Variants in NCOA2 observed in about 807,000 individuals in gnomAD.
The protein encoded by NCOA2 is nuclear receptor coactivator 2.
NCOA2 carries 21 observed loss-of-function variants against 145.1 expected under a neutral mutation model. The observed-to-expected ratio is 0.14, with a 90% confidence interval of 0.10 to 0.21. The LOEUF is 0.21. Among genes scored for constraint, NCOA2 ranks in the 10% least tolerant of loss-of-function variants. NCOA2 has a pLI of 1.00. For missense variants in NCOA2, 1,472 were observed against 1,837.6 expected (o/e 0.80, Z 3.64); for synonymous variants, 619 against 637.5 (o/e 0.97, Z 0.44).
At chr8:70,167,717 A>C (rs962193551) in intron 6 of NCOA2, among the ~76,000 whole-genome samples, 2 of 152,256 alleles carry the variant, frequency 1.3e-5, no homozygotes, top group African/African-American at 2.4e-5. Flanking sequence ...TTTGAGTATT[A>C]AAACTAAAAA....
chr8:70,411,949 C>T, the NCOA2 span, among the ~76,000 whole-genome samples: 1 of 152,188 alleles, frequency 6.6e-6, no homozygotes, highest in African/African-American at 2.4e-5. Context: ...ACAGTTTATT[C>T]ATGGTATACA....
chr8:70,227,102 C>G (rs949061897), intron 2 of NCOA2, among the ~76,000 whole-genome samples: 1 of 152,204 alleles, frequency 6.6e-6, no homozygotes, highest in Non-Finnish European at 1.5e-5. Flanking sequence ...TGTTGGCACC[C>G]ACTGTCACCA....
At chr8:70,133,200 C>CTCTTTT (rs762418599) in intron 15 of NCOA2, among the ~76,000 whole-genome samples, 2 of 106,988 alleles carry the variant, frequency 1.9e-5, no homozygotes, top group Admixed American at 9.6e-5. Flanking sequence ...CTGGCTGCTA[C>CTCTTTT]TTTTTTTTTT....
At chr8:70,424,206 G>A in the NCOA2 span, 1 of 322,626 alleles carries the variant, frequency 3.1e-6, no homozygotes, top group African/African-American at 2.2e-5. Flanking sequence ...GAAGACCCCA[G>A]AAGTGGTGCA....
intron 1 of NCOA2, among the ~76,000 whole-genome samples, chr8:70,383,576 G>C (rs570401475): frequency 3.9e-5 from 6 of 152,226 alleles, no homozygotes; most frequent in African/African-American, 1.2e-4. Flanking sequence ...CATGATCTCA[G>C]CTCACTGCAA....
chr8:70,376,234 T>C (rs1218549797), intron 1 of NCOA2, among the ~76,000 whole-genome samples: 1 of 152,194 alleles, frequency 6.6e-6, no homozygotes, highest in Admixed American at 6.5e-5. Context: ...ATTTTAGGAA[T>C]AAGTGTCCTC....
chr8:70,322,162 T>C (rs1000875740), intron 1 of NCOA2, among the ~76,000 whole-genome samples: 4 of 152,208 alleles, frequency 2.6e-5, no homozygotes, highest in Middle Eastern at 6.8e-3. Flanking sequence ...GTAAGTTATT[T>C]ATTTCATCAT....
chr8:70,359,469 C>T (rs1194119494), intron 1 of NCOA2, among the ~76,000 whole-genome samples: 1 of 152,024 alleles, frequency 6.6e-6, no homozygotes, highest in African/African-American at 2.4e-5. Flanking sequence ...AAACAAGGTA[C>T]AATAGAATAT....
At chr8:70,141,890 C>T (rs532292599) in intron 13 of NCOA2, among the ~76,000 whole-genome samples, 3 of 152,154 alleles carry the variant, frequency 2.0e-5, no homozygotes, top group African/African-American at 7.2e-5. Flanking sequence ...CAAAACTGAC[C>T]AAGAGTAGCC....
chr8:70,216,856 C>T, intron 2 of NCOA2, 92 bp from the exon 3 acceptor site: 1 of 796,776 alleles, frequency 1.3e-6, no homozygotes, highest in Non-Finnish European at 2.1e-6. Context: ...AGAATTTTGA[C>T]TCCAATCAGA....
At position 70,196,508 on chromosome 8, in the gene NCOA2, A is replaced by G. The variant is rs112201245; in HGVS notation, c.259+17395T>C. Among the ~76,000 whole-genome samples the G allele has an allele frequency of 2.9e-3, 439 of 152,368 alleles. 3 individuals are homozygous for G. The highest frequency in any genetic ancestry group is 0.01 in the African/African-American group (426 of 41,590). ...ACATACAGGACCCTGGATTAGAGACAGTTATGACCTAAAGGTGCTGTTTGC... is the reference window on the plus strand; with the variant it reads ...ACATACAGGACCCTGGATTAGAGACGGTTATGACCTAAAGGTGCTGTTTGC... On this transcript the variant is annotated intron_variant, in intron 4 of 22. Transcript: ENST00000452400.
chr8:70,367,375 G>T (rs1220298179), intron 1 of NCOA2, among the ~76,000 whole-genome samples: 1 of 152,162 alleles, frequency 6.6e-6, no homozygotes, highest in Admixed American at 6.5e-5. Flanking sequence ...AGCTCTGTGG[G>T]AATAATAGTA....
intron 11 of NCOA2, among the ~76,000 whole-genome samples, chr8:70,150,279 A>G (rs896377941): frequency 1.3e-5 from 2 of 152,212 alleles, no homozygotes; most frequent in African/African-American, 2.4e-5. Flanking sequence ...TTAGCATCCT[A>G]AAGTACCAAC....
At chr8:70,145,234 TACA>T (rs1810906836) in intron 12 of NCOA2, among the ~76,000 whole-genome samples, 1 of 152,236 alleles carries the variant, frequency 6.6e-6, no homozygotes, top group African/African-American at 2.4e-5. Flanking sequence ...CTCGGCTCAT[TACA>T]ACCTCTGCCT....
chr8:70,397,467 A>G (rs1586683117), intron 1 of NCOA2, among the ~76,000 whole-genome samples: 1 of 152,086 alleles, frequency 6.6e-6, no homozygotes, highest in East Asian at 1.9e-4. Flanking sequence ...AAAGGAAAAA[A>G]AAAAAAAAAA....
chr8:70,128,450 G>C lies in NCOA2; in HGVS notation c.3664C>G (p.Pro1222Ala). 6.2e-7 allele frequency: 1 copy of C among 1,612,538 alleles called. No homozygotes were observed. Among genetic ancestry groups the C allele is most frequent in the Non-Finnish European group, 8.5e-7 (1 of 1,179,330 alleles). The change falls in exon 18 of 23, where the codon CCT becomes GCT. Residue 1222 changes from proline (P) to alanine (A), a missense_variant. Around this residue, in one of 4 missense-constraint regions of NCOA2, gnomAD observed 953 missense variants for 1,062.1 expected, o/e 0.90. Transcript: ENST00000452400. ...NVSNVNLTLRPGVPTQAPINA... is the reference protein window; with the variant it reads ...NVSNVNLTLRAGVPTQAPINA... ...TGCCTTACCTGTGTTGGTACTCCAG[G>C]CCTCAGAGTCAAGTTCACATTGGAA... is the stretch of plus-strand genomic sequence containing the variant.
intron 1 of NCOA2, among the ~76,000 whole-genome samples, chr8:70,399,963 G>A (rs1814075027): frequency 1.3e-5 from 2 of 152,140 alleles, no homozygotes; most frequent in Non-Finnish European, 2.9e-5. Flanking sequence ...TATAATGGAA[G>A]GACTGCTCAC....
chr8:70,375,329 C>A (rs1811575051), intron 1 of NCOA2, among the ~76,000 whole-genome samples: 1 of 152,104 alleles, frequency 6.6e-6, no homozygotes, highest in East Asian at 1.9e-4. Flanking sequence ...GCCAAAAATG[C>A]CAACTGTCTG....
At chr8:70,434,080 G>A in the NCOA2 span, among the ~76,000 whole-genome samples, 2 of 152,080 alleles carry the variant, frequency 1.3e-5, no homozygotes, top group Admixed American at 1.3e-4. Context: ...ATGTTACTGG[G>A]TCTAATGAAT....
Sources: gnomAD v4.1 joint callset for allele counts (sites outside exome capture counted in the v4.1 genomes callset) on GRCh38, gnomAD v4.1.1 for gene constraint, gnomAD v4.1.1 regional missense constraint, MANE v1.5 for transcripts, NCBI Gene and HGNC (gene_info 2026-07-23, HGNC 2026-07-21) for gene names.